Variants in RABGAP1L observed in about 807,000 individuals in gnomAD.
The protein encoded by RABGAP1L is RAB GTPase activating protein 1 like.
In RABGAP1L, 63 loss-of-function variants were observed where a neutral mutation model predicts 137.7. That is an observed-to-expected ratio of 0.46 (90% CI 0.37 to 0.56). The LOEUF (loss-of-function observed/expected upper bound fraction) is 0.56, where lower values mean the gene tolerates loss of function less well. Ranked by LOEUF, RABGAP1L falls within the 20% of genes least tolerant of loss-of-function variation. The pLI, the probability that RABGAP1L is intolerant of heterozygous loss-of-function variation, is 0.00. For synonymous variants in RABGAP1L, 431 were observed against 433.7 expected (o/e 0.99, Z 0.08); for missense variants, 1,095 against 1,244.0 (o/e 0.88, Z 1.80).
intron 7 of RABGAP1L, among the ~76,000 whole-genome samples, chr1:174,264,278 A>T (rs1242328978): frequency 2.6e-5 from 4 of 152,062 alleles, no homozygotes; most frequent in Admixed American, 2.6e-4. Context: ...GTACTACAAG[A>T]AACTTAATTC....
chr1:174,220,854 G>A (rs1219123153), intron 2 of RABGAP1L, 118 bp from the exon 3 acceptor site: 6 of 865,546 alleles, frequency 6.9e-6, no homozygotes, highest in Non-Finnish European at 9.8e-6. Flanking sequence ...TAGTATTTTA[G>A]TAACTATATT....
chr1:174,558,684 A>G (rs1046258790), intron 13 of RABGAP1L, among the ~76,000 whole-genome samples: 6 of 152,210 alleles, frequency 3.9e-5, no homozygotes, highest in Admixed American at 2.6e-4. Flanking sequence ...TACCCATAAC[A>G]TGCTAATTAA....
At chr1:174,500,063 C>T (rs1661115070) in intron 13 of RABGAP1L, among the ~76,000 whole-genome samples, 1 of 149,148 alleles carries the variant, frequency 6.7e-6, no homozygotes, top group Non-Finnish European at 1.5e-5. Context: ...GTATAAATTA[C>T]TTGTGGCAGG....
At chr1:174,573,661 T>A (rs1477520298) in intron 13 of RABGAP1L, among the ~76,000 whole-genome samples, 1 of 152,172 alleles carries the variant, frequency 6.6e-6, no homozygotes, top group Non-Finnish European at 1.5e-5. Flanking sequence ...TTCTTTCTGC[T>A]TCTGAAATGT....
chr1:174,557,865 G>A (rs1286940607), intron 13 of RABGAP1L, among the ~76,000 whole-genome samples: 2 of 152,238 alleles, frequency 1.3e-5, no homozygotes, highest in Non-Finnish European at 2.9e-5. Context: ...ATGCGGCCAT[G>A]GAAAGCACAT....
At chr1:174,780,123 A>T (rs112599362) in intron 18 of RABGAP1L, among the ~76,000 whole-genome samples, 121 of 149,018 alleles carry the variant, frequency 8.1e-4, no homozygotes, top group African/African-American at 2.6e-3. Context: ...AATAAATTAA[A>T]TAAGCCCTAA....
In RABGAP1L at chr1:174,223,128, T is replaced by C. The variant is rs1669886734; in HGVS notation, c.331+1964T>C. Among the ~76,000 whole-genome samples, 4 of 151,456 alleles carry C rather than the reference T, an allele frequency of 2.6e-5. No individual in the cohort carries two copies. The East Asian group carries it at 7.8e-4, about 29-fold the overall frequency. On this transcript the variant is annotated intron_variant, in intron 3 of 25. Transcript: ENST00000681986. ...ACTAAAAATACAAAAATTAACTGGG[T>C]GTGGCAGCACATGCCTGTAGTCCCA...
intron 17 of RABGAP1L, among the ~76,000 whole-genome samples, chr1:174,730,483 C>A (rs1007452389): frequency 8.5e-5 from 13 of 152,160 alleles, no homozygotes; most frequent in African/African-American, 1.7e-4. Flanking sequence ...TCGGAAAAAA[C>A]CCCAAACAAA....
At chr1:174,588,821 G>T (rs757853142) in intron 13 of RABGAP1L, among the ~76,000 whole-genome samples, 14 of 152,072 alleles carry the variant, frequency 9.2e-5, no homozygotes, top group Non-Finnish European at 1.8e-4. Context: ...TTGTGTACAT[G>T]TACCACATTT....
chr1:174,295,266 T>G (rs1571957659), intron 10 of RABGAP1L, among the ~76,000 whole-genome samples: 1 of 147,114 alleles, frequency 6.8e-6, no homozygotes, highest in Non-Finnish European at 1.5e-5. Flanking sequence ...CATGCTGGAG[T>G]GGTGTGGCGC....
intron 13 of RABGAP1L, among the ~76,000 whole-genome samples, chr1:174,412,256 G>A (rs77301878): frequency 0.035 from 5,270 of 152,172 alleles, 119 homozygotes; most frequent in Middle Eastern, 0.088. Flanking sequence ...TTGGCTTAAA[G>A]TGTGTTTTAT....
At chr1:174,958,249 G>T in intron 20 of RABGAP1L, 2 of 1,214,660 alleles carry the variant, frequency 1.6e-6, no homozygotes, top group Admixed American at 2.7e-5. Flanking sequence ...AGTGATATTT[G>T]AGTTAAAGTA....
At chr1:174,274,606 CTGTGTGTGTG>C (rs61468070) in intron 8 of RABGAP1L, among the ~76,000 whole-genome samples, 6 of 146,162 alleles carry the variant, frequency 4.1e-5, no homozygotes, top group African/African-American at 1.5e-4. Context: ...ACAGGTGACT[CTGTGTGTGTG>C]TGTGTGTGTG....
intron 19 of RABGAP1L, among the ~76,000 whole-genome samples, chr1:174,816,621 T>C (rs1346677048): frequency 6.6e-6 from 1 of 152,204 alleles, no homozygotes; most frequent in Non-Finnish European, 1.5e-5. Context: ...GTTTATGATT[T>C]ATGATTCAGT....
chr1:174,580,420 G>T (rs1423955973), intron 13 of RABGAP1L, among the ~76,000 whole-genome samples: 1 of 152,108 alleles, frequency 6.6e-6, no homozygotes, highest in Non-Finnish European at 1.5e-5. Context: ...AGAAAATGTG[G>T]CACATATACA....
intron 13 of RABGAP1L, among the ~76,000 whole-genome samples, chr1:174,523,977 A>G (rs1425380959): frequency 6.6e-6 from 1 of 152,132 alleles, no homozygotes; most frequent in East Asian, 1.9e-4. Context: ...ACTTCCTTTT[A>G]TGGCTGAGTA....
chr1:174,840,601 C>T (rs1573447309), intron 19 of RABGAP1L, among the ~76,000 whole-genome samples: 1 of 136,840 alleles, frequency 7.3e-6, no homozygotes, highest in African/African-American at 2.7e-5. Flanking sequence ...CACCTGAGGT[C>T]AGGAGCTCAA....
At chr1:174,309,808 A>G (rs955388816) in intron 11 of RABGAP1L, among the ~76,000 whole-genome samples, 3 of 152,010 alleles carry the variant, frequency 2.0e-5, no homozygotes, top group Non-Finnish European at 4.4e-5. Context: ...ATTGGCCTGT[A>G]GTTTTCATTT....
intron 11 of RABGAP1L, among the ~76,000 whole-genome samples, chr1:174,364,603 T>G (rs1684453951): frequency 6.6e-6 from 1 of 152,206 alleles, no homozygotes; most frequent in Admixed American, 6.5e-5. Flanking sequence ...TCTAGGAATT[T>G]ATTAATTTCT....
Sources: gnomAD v4.1 joint callset for allele counts (sites outside exome capture counted in the v4.1 genomes callset) on GRCh38, gnomAD v4.1.1 for gene constraint, MANE v1.5 for transcripts, NCBI Gene and HGNC (gene_info 2026-07-23, HGNC 2026-07-21) for gene names.